Variants in UPF3B observed in about 807,000 individuals in gnomAD.
UPF3B encodes the protein regulator of nonsense transcripts 3B.
A neutral mutation model predicts 40.3 loss-of-function variants in UPF3B; 7 were observed. The ratio of observed to expected loss-of-function variants is 0.17; its 90% CI spans 0.10 to 0.33. UPF3B has a LOEUF of 0.33. Among genes scored for constraint, UPF3B ranks in the 10% least tolerant of loss-of-function variants. The pLI, the probability that UPF3B is intolerant of heterozygous loss-of-function variation, is 1.00. For synonymous variants in UPF3B, 117 were observed against 117.3 expected (o/e 1.00, Z 0.01); for missense variants, 229 against 358.9 (o/e 0.64, Z 2.93).
chrX:119,842,580 TCA>T (rs773370806), intron 5 of UPF3B, among the ~76,000 whole-genome samples: 13 of 71,372 alleles, frequency 1.8e-4, no homozygotes, highest in Non-Finnish European at 2.8e-4. Flanking sequence ...ACTCCATCTC[TCA>T]CACACACACA....
At chrX:119,821,074 G>A (rs1270370859) in intron 4 of UPF3B, among the ~76,000 whole-genome samples, 3 of 111,405 alleles carry the variant, frequency 2.7e-5, no homozygotes, top group Admixed American at 9.6e-5. Flanking sequence ...GTTATGGGGC[G>A]GATCCCTCAT....
At chrX:119,849,778 A>C (rs2056278643) in intron 3 of UPF3B, among the ~76,000 whole-genome samples, 1 of 111,339 alleles carries the variant, frequency 9.0e-6, no homozygotes, top group Non-Finnish European at 1.9e-5. Context: ...AGAATGAAAA[A>C]AATGGAAAAT....
In UPF3B at chrX:119,815,300, G is replaced by C. The variant is rs774564193; in HGVS notation, c.503C>G (p.Pro168Arg). The C allele has an allele frequency of 5.2e-6, 4 of 774,385 alleles. No individual in the cohort carries two copies. In the African/African-American group the frequency reaches 9.1e-5, roughly 18 times the overall value. 63.8% of individuals were successfully genotyped at this position (774,385 alleles called of 1,213,427 possible). The stretch of plus-strand genomic sequence containing the variant: ...TCCTGGATGGTAACGCTGCATCCCT[G>C]GATGATTCTGAAGTACAATGAAATA... Residue 168 changes from proline to arginine, a missense_variant, in exon 5 of 7, where the codon CCA (proline) becomes CGA (arginine). Pro to Arg is a moderately radical substitution (Grantham distance 103, BLOSUM62 -2). Transcript: ENST00000636792.
chrX:119,813,537 A>T (rs2055840644), intron 5 of UPF3B, among the ~76,000 whole-genome samples: 1 of 109,662 alleles, frequency 9.1e-6, no homozygotes, highest in African/African-American at 3.3e-5. Context: ...CTATAAGCCA[A>T]TTAAACCTCT....
chrX:119,825,610 C>A (rs751217539), intron 3 of UPF3B, among the ~76,000 whole-genome samples: 78 of 111,153 alleles, frequency 7.0e-4, no homozygotes, highest in Non-Finnish European at 1.1e-3. Flanking sequence ...GAAAAGAGCC[C>A]CTATCAGAAC....
At chrX:119,815,379 A>T (rs2055856602) in intron 4 of UPF3B, 1 of 471,595 alleles carries the variant, frequency 2.1e-6, no homozygotes, top group Non-Finnish European at 2.6e-6. Flanking sequence ...TCAAGTCATA[A>T]CTTATATATT....
At chrX:119,837,659 T>C in intron 10 of UPF3B, 98 bp downstream of exon 10, 1 of 923,321 alleles carries the variant, frequency 1.1e-6, no homozygotes, top group Non-Finnish European at 1.5e-6. Context: ...AAAGTTCCCC[T>C]TTAAAAATTC....
At position 119,850,734 on chromosome X, in the gene UPF3B, A is replaced by G. The variant is rs181267982; in HGVS notation, c.370+761T>C. Reference sequence around the variant, plus strand: ...TTTCTGGATATAAAGTAAGAGATGTATCAAGTTTCTTTTTTTCGATTTTGA... The same window carrying G: ...TTTCTGGATATAAAGTAAGAGATGTGTCAAGTTTCTTTTTTTCGATTTTGA... On this transcript the variant is annotated intron_variant, in intron 3 of 10. Coordinates refer to ENST00000276201, the MANE Select transcript of UPF3B (RefSeq NM_080632.3). 6.5e-3 allele frequency among the ~76,000 whole-genome samples: 723 copies of G among 111,593 alleles called. 8 individuals are homozygous for G. The highest frequency in any genetic ancestry group is 0.022 in the African/African-American group (690 of 30,731).
chrX:119,815,238 T>C, exon 5 of UPF3B: 1 of 800,844 alleles, frequency 1.2e-6, no homozygotes, highest in Non-Finnish European at 1.5e-6. Flanking sequence ...GACTTGGTTA[T>C]GTCATCAGGG....
Position 119,834,255 on chromosome X carries a change from C to A in UPF3B, c.*623G>T, listed in dbSNP as rs1028549560. 1 of 754,744 alleles carries A rather than the reference C, an allele frequency of 1.3e-6. No individual in the cohort carries two copies. Among genetic ancestry groups the A allele is most frequent in the Non-Finnish European group, 1.6e-6 (1 of 639,477 alleles). 62.2% of individuals were successfully genotyped at this position (754,744 alleles called of 1,213,427 possible). On this transcript the variant is annotated 3_prime_UTR_variant, in exon 11 of 11. Coordinates refer to ENST00000276201, the MANE Select transcript of UPF3B (RefSeq NM_080632.3). ...ACAAAACACGAAGTTTAAAAATATT[C>A]TTTACGCTAAGCTCATATAAGCAAA...
At chrX:119,814,951 C>T (rs1022348579) in intron 5 of UPF3B, among the ~76,000 whole-genome samples, 3 of 104,185 alleles carry the variant, frequency 2.9e-5, no homozygotes, top group African/African-American at 1.1e-4. Context: ...CTGCAACCTC[C>T]GCCTCCTGAG....
intron 5 of UPF3B, among the ~76,000 whole-genome samples, chrX:119,814,952 G>A (rs74941066): frequency 0.043 from 4,044 of 93,317 alleles, 227 homozygotes; most frequent in African/African-American, 0.14. Context: ...TGCAACCTCC[G>A]CCTCCTGAGT....
chrX:119,852,604 G>A (rs1285064809), intron 1 of UPF3B, among the ~76,000 whole-genome samples, 169 bp downstream of exon 1: 1 of 112,565 alleles, frequency 8.9e-6, no homozygotes, highest in Non-Finnish European at 1.9e-5. Flanking sequence ...GGCCGGGAGG[G>A]GCTCTCCCCA....
chrX:119,826,430 C>T (rs891304863), intron 3 of UPF3B, among the ~76,000 whole-genome samples: 8 of 110,655 alleles, frequency 7.2e-5, no homozygotes, highest in Non-Finnish European at 1.1e-4. Flanking sequence ...TGCAGTGAGT[C>T]GAGATTGCCC....
At chrX:119,831,602 C>T (rs189238440), downstream of UPF3B, 244 of 594,761 alleles carry the variant, frequency 4.1e-4, 1 homozygote, top group African/African-American at 3.5e-3. Flanking sequence ...TACAGGTGTG[C>T]GCCACCACGC....
At chrX:119,829,718 T>C (rs2056017463), downstream of UPF3B, among the ~76,000 whole-genome samples, 1 of 111,787 alleles carries the variant, frequency 8.9e-6, no homozygotes, top group African/African-American at 3.3e-5. Flanking sequence ...GGCTGGGCCC[T>C]AGGTCTGCTT....
At chrX:119,817,156 G>C (rs1336638372) in intron 4 of UPF3B, among the ~76,000 whole-genome samples, 1 of 110,675 alleles carries the variant, frequency 9.0e-6, no homozygotes, top group Admixed American at 9.7e-5. Context: ...TTTTAGTAGA[G>C]ATGGGTTTCG....
intron 5 of UPF3B, among the ~76,000 whole-genome samples, chrX:119,812,557 C>G (rs1227459205): frequency 8.9e-6 from 1 of 111,816 alleles, no homozygotes; most frequent in Non-Finnish European, 1.9e-5. Flanking sequence ...CTGGCCACTC[C>G]TCTTCCTTGA....
chrX:119,817,609 T>C (rs1241507587), intron 4 of UPF3B, among the ~76,000 whole-genome samples: 1 of 111,964 alleles, frequency 8.9e-6, no homozygotes, highest in Non-Finnish European at 1.9e-5. Flanking sequence ...ATGGAAAATG[T>C]GTATTATCAA....
Sources: allele counts gnomAD v4.1 joint callset (sites outside exome capture counted in the v4.1 genomes callset), GRCh38; gene constraint gnomAD v4.1.1; transcripts MANE v1.5; gene names NCBI Gene and HGNC (gene_info 2026-07-23, HGNC 2026-07-21).